Variants in PHLPP2 observed in about 807,000 individuals in gnomAD.
PHLPP2 encodes the protein PH domain leucine-rich repeat-containing protein phosphatase 2.
A neutral mutation model predicts 124.9 loss-of-function variants in PHLPP2; 66 were observed. The ratio of observed to expected loss-of-function variants is 0.53; its 90% CI spans 0.43 to 0.65. The LOEUF (loss-of-function observed/expected upper bound fraction) is 0.65, where lower values mean the gene tolerates loss of function less well. Ranked by LOEUF, PHLPP2 falls within the 30% of genes least tolerant of loss-of-function variation. The probability of loss-of-function intolerance (pLI) is 0.00; values close to 1 mark genes in which losing one functional copy is unlikely to be tolerated. For missense variants in PHLPP2, 1,685 were observed against 1,600.4 expected, an observed-to-expected ratio of 1.05 and a Z score of -0.90; for synonymous variants, 681 against 624.7, an observed-to-expected ratio of 1.09 and a Z score of -1.34.
In PHLPP2 at chr16:71,658,571, C is replaced by T. The variant is rs933567453; in HGVS notation, c.2148+82G>A. The T allele has an allele frequency of 2.1e-6, 3 of 1,425,946 alleles. No individual in the cohort carries two copies. In the African/African-American group the frequency reaches 4.3e-5, roughly 20 times the overall value. The allele number at this position is 1,425,946 out of a possible 1,614,324, so 88.3% of individuals were successfully genotyped here. A position where few individuals can be genotyped will look rare whatever the true frequency, so the allele number is the denominator to read the frequency against. ...ATAATCTCATTCACACTCCTTTCTT[C>T]TTCTTTATAAAAGGAAAATAATGTC... On this transcript the variant is annotated intron_variant, in intron 14 of 18. Coordinates refer to ENST00000568954, the MANE Select transcript of PHLPP2 (RefSeq NM_015020.3).
chr16:71,682,296 C>T (rs2045008412), intron 5 of PHLPP2, among the ~76,000 whole-genome samples: 1 of 150,132 alleles, frequency 6.7e-6, no homozygotes, highest in South Asian at 2.1e-4. Flanking sequence ...CAGCTTACTG[C>T]ATCCTCCGTC....
At chr16:71,679,858 G>A (rs1224054392) in intron 6 of PHLPP2, among the ~76,000 whole-genome samples, 1 of 152,140 alleles carries the variant, frequency 6.6e-6, no homozygotes, top group Non-Finnish European at 1.5e-5. Context: ...CGAGGCAGGT[G>A]GATCACGAGG....
chr16:71,692,301 C>T (rs62053136), intron 3 of PHLPP2, among the ~76,000 whole-genome samples: 4,480 of 152,124 alleles, frequency 0.029, 120 homozygotes, highest in Non-Finnish European at 0.042. Context: ...CATCTCCTGA[C>T]CTCGTGATCC....
rs781071469 is a variant in PHLPP2, at chr16:71,649,861, G to A, written c.3001C>T (p.Arg1001Cys). ...GCTGCTAATGGGTCTTGTACGTGAC[G>A]TACAGCATTGACAGCTTCTGTGTAG... The part of the protein sequence containing the change: ...LSYTEAVNAV[R>C]HVQDPLAAAK... The change falls in exon 19 of 19, where the codon CGT (arginine) becomes TGT (cysteine). Residue 1001 changes from arginine to cysteine, a missense_variant. Physicochemically the swap from Arg to Cys is radical, Grantham distance 180. Transcript: ENST00000568954. 1.7e-4 allele frequency: 268 copies of A among 1,614,194 alleles called. 9 individuals carry two copies. In the South Asian group the frequency reaches 2.6e-3, roughly 16 times the overall value.
At chr16:71,666,740 A>C (rs942407310) in intron 12 of PHLPP2, among the ~76,000 whole-genome samples, 7 of 152,238 alleles carry the variant, frequency 4.6e-5, no homozygotes, top group African/African-American at 1.7e-4. Flanking sequence ...GTTTGCACAT[A>C]AAGACTGTAA....
intron 16 of PHLPP2, among the ~76,000 whole-genome samples, chr16:71,655,690 A>C (rs2044736339): frequency 6.6e-6 from 1 of 151,842 alleles, no homozygotes; most frequent in Non-Finnish European, 1.5e-5. Flanking sequence ...TTTTTAGTAG[A>C]GATGTTAGCC....
In PHLPP2 at chr16:71,648,618, A is replaced by C; in HGVS notation, c.*272T>G. 2.3e-6 allele frequency: 1 copy of C among 437,492 alleles called. No homozygotes were observed. The highest frequency in any genetic ancestry group is 2.0e-5 in the African/African-American group (1 of 50,658). 27.1% of individuals were successfully genotyped at this position (437,492 alleles called of 1,614,324 possible). A position where few individuals can be genotyped will look rare whatever the true frequency, so the allele number is the denominator to read the frequency against. ...AACCCCGTCTCTAAAAAAAAAAAAT[A>C]AAACTTAGCCGGGCATAATGGCAGG... is the stretch of plus-strand genomic sequence containing the variant. On this transcript the variant is annotated 3_prime_UTR_variant, in exon 19 of 19. Coordinates refer to ENST00000568954, the MANE Select transcript of PHLPP2 (RefSeq NM_015020.3).
chr16:71,656,357 G>A (rs573331095), intron 16 of PHLPP2, among the ~76,000 whole-genome samples: 2 of 152,324 alleles, frequency 1.3e-5, no homozygotes, highest in South Asian at 4.1e-4. Context: ...AGCCATGAAA[G>A]GGGGTGTTTG....
At chr16:71,707,673 C>A (rs1484427175) in intron 2 of PHLPP2, among the ~76,000 whole-genome samples, 3 of 152,184 alleles carry the variant, frequency 2.0e-5, no homozygotes, top group African/African-American at 7.2e-5. Context: ...GGCCTTGATT[C>A]CACTGGGAGA....
At chr16:71,717,299 G>C (rs916588906) in intron 1 of PHLPP2, among the ~76,000 whole-genome samples, 3 of 152,164 alleles carry the variant, frequency 2.0e-5, no homozygotes, top group African/African-American at 7.2e-5. Flanking sequence ...TGAAAAGTTA[G>C]CAGGTATTTC....
At chr16:71,708,529 T>C (rs1203960324) in intron 2 of PHLPP2, among the ~76,000 whole-genome samples, 1 of 152,202 alleles carries the variant, frequency 6.6e-6, no homozygotes, top group Non-Finnish European at 1.5e-5. Flanking sequence ...GCTTTATTGC[T>C]CACACAAAGC....
chr16:71,706,803 A>G (rs2145374249), intron 2 of PHLPP2, among the ~76,000 whole-genome samples: 1 of 152,242 alleles, frequency 6.6e-6, no homozygotes, highest in South Asian at 2.1e-4. Flanking sequence ...ATTATTTTAT[A>G]TATAGTTAAA....
rs1201639942 is a variant in PHLPP2, at chr16:71,650,007, A to G, written c.2855T>C (p.Met952Thr). The G allele has an allele frequency of 1.2e-6, 2 of 1,611,748 alleles. No homozygotes were observed. The highest frequency in any genetic ancestry group is 1.7e-5 in the Admixed American group (1 of 60,024). Residue 952 changes from methionine to threonine, a missense_variant, in exon 19 of 19, where the codon ATG becomes ACG. Coordinates refer to ENST00000568954, the MANE Select transcript of PHLPP2 (RefSeq NM_015020.3). ...AGGGTAGAGGTATGTACAGCCCAGC[A>G]TCCGGGTACAGCAGGTTACCCCATT... ...KVNGVTCCTR[M>T]LGCTYLYPWI...
Position 71,658,371 on chromosome 16 carries a change from A to G in PHLPP2, c.2149-8T>C, listed in dbSNP as rs1346053626. 6.2e-7 allele frequency: 1 copy of G among 1,610,878 alleles called. No homozygotes were observed. Among genetic ancestry groups the G allele is most frequent in the Non-Finnish European group, 8.5e-7 (1 of 1,178,632 alleles). Reference sequence around the variant, plus strand: ...GCAACTTAGGTCTACAAACTAAGAAAAAATTGAGAAATCAAAAGAAAATAC... The same window carrying G: ...GCAACTTAGGTCTACAAACTAAGAAGAAATTGAGAAATCAAAAGAAAATAC... On this transcript the variant is annotated splice_polypyrimidine_tract_variant and splice_region_variant and intron_variant, in intron 14 of 18. Coordinates refer to ENST00000568954, the MANE Select transcript of PHLPP2 (RefSeq NM_015020.3).
chr16:71,661,926 C>T (rs1402139207), intron 13 of PHLPP2, among the ~76,000 whole-genome samples: 2 of 151,790 alleles, frequency 1.3e-5, no homozygotes, highest in Admixed American at 6.6e-5. Flanking sequence ...GGGGTTCAAG[C>T]GATTCTCCTG....
intron 1 of PHLPP2, among the ~76,000 whole-genome samples, chr16:71,720,119 A>G (rs972513248): frequency 6.6e-6 from 1 of 151,022 alleles, no homozygotes; most frequent in Non-Finnish European, 1.5e-5. Context: ...ACAGGCGCCC[A>G]CCACCTCGCC....
At chr16:71,712,981 AAC>A (rs1458453546) in intron 2 of PHLPP2, among the ~76,000 whole-genome samples, 2 of 152,216 alleles carry the variant, frequency 1.3e-5, no homozygotes. Context: ...TCAAAGAACT[AAC>A]AGCGATTTTC....
At chr16:71,699,310 A>T (rs1395433018) in intron 3 of PHLPP2, among the ~76,000 whole-genome samples, 1 of 151,986 alleles carries the variant, frequency 6.6e-6, no homozygotes, top group Non-Finnish European at 1.5e-5. Flanking sequence ...GTTCTTTCTG[A>T]GTGTCTTTTT....
At chr16:71,717,097 A>T (rs1597020696) in intron 1 of PHLPP2, among the ~76,000 whole-genome samples, 2 of 152,286 alleles carry the variant, frequency 1.3e-5, no homozygotes, top group African/African-American at 4.8e-5. Context: ...GGGGGGGAAA[A>T]TTCCCATTTC....
Sources: allele counts gnomAD v4.1 joint callset (sites outside exome capture counted in the v4.1 genomes callset), GRCh38; gene constraint gnomAD v4.1.1; transcripts MANE v1.5; gene names NCBI Gene and HGNC (gene_info 2026-07-23, HGNC 2026-07-21).